The following RANBP2 variants were observed in gnomAD, a reference collection of about 807,000 sequenced individuals.
The protein encoded by RANBP2 is E3 SUMO-protein ligase RanBP2.
RANBP2 carries 57 observed loss-of-function variants against 303.6 expected under a neutral mutation model. The ratio of observed to expected loss-of-function variants is 0.19; its 90% CI spans 0.15 to 0.23. The LOEUF is 0.23. RANBP2 is among the 10% of genes least tolerant of loss of function. The probability of loss-of-function intolerance (pLI) is 1.00; values close to 1 mark genes in which losing one functional copy is unlikely to be tolerated. For synonymous variants in RANBP2, 1,167 were observed against 1,301.5 expected, an observed-to-expected ratio of 0.90 and a Z score of 2.23; for missense variants, 3,138 against 3,780.8, an observed-to-expected ratio of 0.83 and a Z score of 4.46.
the RANBP2 span, among the ~76,000 whole-genome samples, chr2:109,258,303 C>T: frequency 1.1e-3 from 173 of 152,324 alleles, 1 homozygote; most frequent in African/African-American, 4.1e-3. Context: ...GCCGCTGTGA[C>T]AGCCAGTCAG....
the RANBP2 span, among the ~76,000 whole-genome samples, chr2:109,482,370 A>G: frequency 3.9e-5 from 6 of 152,214 alleles, no homozygotes; most frequent in Non-Finnish European, 7.3e-5. Context: ...AACTTGTTCA[A>G]GATCAGCCAA....
At chr2:109,609,350 T>G in the RANBP2 span, among the ~76,000 whole-genome samples, 1 of 151,986 alleles carries the variant, frequency 6.6e-6, no homozygotes, top group Non-Finnish European at 1.5e-5. Context: ...ATAATACAGG[T>G]TGCTCTTCCA....
chr2:108,898,246 A>G, the RANBP2 span, among the ~76,000 whole-genome samples: 2 of 152,300 alleles, frequency 1.3e-5, no homozygotes, highest in South Asian at 4.1e-4. Context: ...GGTGTCAGGA[A>G]AGGCCATGTA....
the RANBP2 span, among the ~76,000 whole-genome samples, chr2:109,570,140 G>A: frequency 6.6e-6 from 1 of 152,118 alleles, no homozygotes; most frequent in Non-Finnish European, 1.5e-5. Context: ...TTCCTGTCTA[G>A]TTTGTACAAT....
At chr2:109,052,755 C>T in the RANBP2 span, among the ~76,000 whole-genome samples, 1 of 152,154 alleles carries the variant, frequency 6.6e-6, no homozygotes, top group Non-Finnish European at 1.5e-5. Context: ...CCGCCTTGGC[C>T]TCCCAAAGTG....
chr2:109,730,776 C>CTTT, the RANBP2 span, among the ~76,000 whole-genome samples: 423 of 79,410 alleles, frequency 5.3e-3, 27 homozygotes, highest in South Asian at 0.01. Context: ...CTCTCTCTCT[C>CTTT]TTTTTTTTTT....
chr2:108,847,054 G>GT, the RANBP2 span: 3 of 629,848 alleles, frequency 4.8e-6, no homozygotes, highest in Non-Finnish European at 8.2e-6. Flanking sequence ...GTTTTATAAT[G>GT]GTTACACATT....
the RANBP2 span, among the ~76,000 whole-genome samples, chr2:109,299,010 C>A: frequency 6.6e-6 from 1 of 152,202 alleles, no homozygotes; most frequent in Non-Finnish European, 1.5e-5. Flanking sequence ...CCACTGCCTC[C>A]CTGGTGATGT....
chr2:109,125,611 C>A, the RANBP2 span, among the ~76,000 whole-genome samples: 1 of 152,242 alleles, frequency 6.6e-6, no homozygotes, highest in African/African-American at 2.4e-5. Flanking sequence ...TTCATGAAGG[C>A]ATCCGAAGAT....
chr2:109,388,595 T>C, the RANBP2 span, among the ~76,000 whole-genome samples: 1 of 152,272 alleles, frequency 6.6e-6, no homozygotes, highest in African/African-American at 2.4e-5. Context: ...AAACAGCCAC[T>C]GCTGCATGCA....
At chr2:109,163,646 G>A in the RANBP2 span, among the ~76,000 whole-genome samples, 5 of 151,892 alleles carry the variant, frequency 3.3e-5, no homozygotes, top group African/African-American at 4.8e-5. Flanking sequence ...TGATCCGCCC[G>A]CCTCGGCCTC....
the RANBP2 span, among the ~76,000 whole-genome samples, chr2:109,609,818 C>T: frequency 2.0e-5 from 3 of 152,112 alleles, no homozygotes; most frequent in South Asian, 2.1e-4. Flanking sequence ...ATTTGGTCAC[C>T]ACTTAAAAGG....
the RANBP2 span, among the ~76,000 whole-genome samples, chr2:109,077,279 C>A: frequency 1.3e-5 from 2 of 150,556 alleles, no homozygotes; most frequent in Non-Finnish European, 3.0e-5. Context: ...AACCATAAAA[C>A]TCCTACACGG....
chr2:108,814,302 C>G, the RANBP2 span, among the ~76,000 whole-genome samples: 1 of 152,048 alleles, frequency 6.6e-6, no homozygotes, highest in Non-Finnish European at 1.5e-5. Context: ...TTCATTTTGA[C>G]CCTTCCAGTG....
At chr2:109,708,504 A>T in the RANBP2 span, among the ~76,000 whole-genome samples, 1 of 152,072 alleles carries the variant, frequency 6.6e-6, no homozygotes, top group Non-Finnish European at 1.5e-5. Context: ...CAAAAAGTAA[A>T]AAAATTAGCT....
chr2:109,111,993 T>C, the RANBP2 span, among the ~76,000 whole-genome samples: 145 of 152,272 alleles, frequency 9.5e-4, no homozygotes, highest in African/African-American at 3.4e-3. Flanking sequence ...TAGTATTCCA[T>C]GGTGTATATG....
the RANBP2 span, among the ~76,000 whole-genome samples, chr2:108,792,284 CACA>C: frequency 1.3e-5 from 2 of 152,174 alleles, no homozygotes; most frequent in African/African-American, 4.8e-5. Context: ...ATGGTCTACA[CACA>C]ACAACATTCA....
In RANBP2 at chr2:108,775,878, G is replaced by GGAC; in HGVS notation, c.8440_8442dup (p.Asp2814dup). 6.2e-7 allele frequency: 1 copy of GGAC among 1,613,026 alleles called. No individual in the cohort carries two copies. Among genetic ancestry groups the GGAC allele is most frequent in the Non-Finnish European group, 8.5e-7 (1 of 1,179,888 alleles). On this transcript the variant is annotated inframe_insertion, in exon 24 of 29. Coordinates refer to ENST00000283195, the MANE Select transcript of RANBP2 (RefSeq NM_006267.5). ...CACCATCTGTTTCCTCTGAAACTATGGACAAACCTGTAGATTTGTCAACTA... is the reference window on the plus strand; with the variant it reads ...CACCATCTGTTTCCTCTGAAACTATGGACGACAAACCTGTAGATTTGTCAACTA...
chr2:109,240,931 A>G, the RANBP2 span, among the ~76,000 whole-genome samples: 1 of 137,606 alleles, frequency 7.3e-6, no homozygotes, highest in Non-Finnish European at 1.5e-5. Flanking sequence ...CTCATGTTCC[A>G]TCTTCTTTCT....
Sources: gnomAD v4.1 joint callset for allele counts (sites outside exome capture counted in the v4.1 genomes callset) on GRCh38, gnomAD v4.1.1 for gene constraint, MANE v1.5 for transcripts, NCBI Gene and HGNC (gene_info 2026-07-23, HGNC 2026-07-21) for gene names.